The following CPLANE1 variants were observed in gnomAD, a reference collection of about 807,000 sequenced individuals.
CPLANE1 encodes ciliogenesis and planar polarity effector complex subunit 1.
CPLANE1 carries 263 observed loss-of-function variants against 362.5 expected under a neutral mutation model. The observed-to-expected ratio is 0.73, with a 90% confidence interval of 0.66 to 0.80. The LOEUF (loss-of-function observed/expected upper bound fraction) is 0.80. Ranked by LOEUF, CPLANE1 falls within the 30% of genes least tolerant of loss-of-function variation. The pLI is 0.00. For missense variants in CPLANE1, 3,461 were observed against 3,793.4 expected (o/e 0.91, Z 2.30); for synonymous variants, 1,212 against 1,302.6 (o/e 0.93, Z 1.50).
chr5:37,179,331 A>C (rs1266667601), intron 29 of CPLANE1, 30 bp downstream of exon 29: 2 of 1,327,886 alleles, frequency 1.5e-6, no homozygotes, highest in South Asian at 2.5e-5. Flanking sequence ...ATGAAAGAAG[A>C]ATAATTATAT....
intron 15 of CPLANE1, among the ~76,000 whole-genome samples, chr5:37,218,510 C>T (rs886065255): frequency 2.6e-5 from 4 of 152,120 alleles, no homozygotes; most frequent in African/African-American, 9.7e-5. Context: ...TTTTCTTTCA[C>T]TGTAATAAAT....
the CPLANE1 span, among the ~76,000 whole-genome samples, chr5:37,090,132 G>A: frequency 5.1e-4 from 78 of 152,178 alleles, no homozygotes; most frequent in Admixed American, 9.8e-4. Flanking sequence ...ACTAGCAACC[G>A]GTATTCTCCC....
intron 28 of CPLANE1, 80 bp from the exon 29 acceptor site, chr5:37,179,523 T>C (rs1782105656): frequency 4.7e-6 from 4 of 852,874 alleles, no homozygotes; most frequent in Non-Finnish European, 5.8e-6. Context: ...CAGGGAATAT[T>C]ACCAGAAACA....
the CPLANE1 span, among the ~76,000 whole-genome samples, chr5:37,093,251 G>A: frequency 6.6e-6 from 1 of 152,164 alleles, no homozygotes; most frequent in Admixed American, 6.5e-5. Flanking sequence ...TCTTATAGCA[G>A]GGTATAGATC....
chr5:37,144,397 TAAA>T (rs1176016655), intron 43 of CPLANE1, among the ~76,000 whole-genome samples: 3 of 67,540 alleles, frequency 4.4e-5, no homozygotes, highest in Admixed American at 1.8e-4. Flanking sequence ...AGACTTTGTC[TAAA>T]AAAAAAAAAA....
the CPLANE1 span, among the ~76,000 whole-genome samples, chr5:37,082,566 C>T: frequency 1.8e-4 from 27 of 152,142 alleles, no homozygotes; most frequent in African/African-American, 6.3e-4. Context: ...ACCAAGAAGA[C>T]ATCACTAGGA....
intron 19 of CPLANE1, among the ~76,000 whole-genome samples, chr5:37,200,785 A>G (rs925670758): frequency 1.2e-4 from 17 of 144,728 alleles, no homozygotes; most frequent in Non-Finnish European, 2.1e-4. Context: ...ATAGTGTAGG[A>G]AAAAAAAAAC....
At chr5:37,103,655 G>C (rs980983319), downstream of CPLANE1, among the ~76,000 whole-genome samples, 2 of 152,060 alleles carry the variant, frequency 1.3e-5, no homozygotes, top group Admixed American at 6.6e-5. Context: ...TGAAATTCTG[G>C]GTTGTTAATT....
intron 32 of CPLANE1, among the ~76,000 whole-genome samples, chr5:37,172,274 G>C (rs1780013708): frequency 1.3e-5 from 2 of 152,030 alleles, no homozygotes; most frequent in Admixed American, 1.3e-4. Flanking sequence ...GAAGACAATG[G>C]AAGAACAAAA....
chr5:37,198,713 C>T lies in CPLANE1; in HGVS notation c.3661G>A (p.Val1221Ile). 1 of 1,613,396 alleles carries T rather than the reference C, an allele frequency of 6.2e-7. No individual in the cohort carries two copies. The highest frequency in any genetic ancestry group is 8.5e-7 in the Non-Finnish European group (1 of 1,179,624). ...YILQLRWARK[V>I]MQKIRMKGSL... is the part of the protein sequence containing the mutation. ...AGATATTTCCATACCTTCTGCATGA[C>T]TTTTCTTGCCCACCTCAACTGCAAT... The change falls in exon 20 of 53, where the codon GTC becomes ATC. Residue 1221 changes from valine to isoleucine, a missense_variant. Physicochemically the swap from Val to Ile is conservative, Grantham distance 29. Transcript: ENST00000651892.
intron 19 of CPLANE1, among the ~76,000 whole-genome samples, chr5:37,200,512 T>C (rs986894412): frequency 7.2e-5 from 11 of 152,264 alleles, no homozygotes; most frequent in African/African-American, 2.6e-4. Context: ...TTTTAGACTA[T>C]TGAAATATAA....
At chr5:37,186,830 C>T (rs1208708096) in intron 23 of CPLANE1, among the ~76,000 whole-genome samples, 1 of 151,930 alleles carries the variant, frequency 6.6e-6, no homozygotes. Context: ...GAGGCCGAGG[C>T]GGGCAGATCA....
At chr5:37,126,214 G>C (rs546590108) in intron 46 of CPLANE1, among the ~76,000 whole-genome samples, 94 of 152,268 alleles carry the variant, frequency 6.2e-4, no homozygotes, top group Middle Eastern at 3.4e-3. Flanking sequence ...ATTCCAGCCT[G>C]GGTGACAGAG....
At chr5:37,175,848 T>C in intron 31 of CPLANE1, 61 bp downstream of exon 31, 1 of 1,167,748 alleles carries the variant, frequency 8.6e-7, no homozygotes, top group Admixed American at 1.9e-5. Flanking sequence ...CGGCATACTT[T>C]CACTCTGTGA....
intron 44 of CPLANE1, 141 bp from the exon 45 acceptor site, chr5:37,139,511 G>T: frequency 8.9e-7 from 1 of 1,121,284 alleles, no homozygotes. Context: ...TATATTTACA[G>T]CATATTTATC....
chr5:37,098,909 G>A, the CPLANE1 span, among the ~76,000 whole-genome samples: 2 of 105,462 alleles, frequency 1.9e-5, no homozygotes, highest in African/African-American at 8.1e-5. Flanking sequence ...ATATATAGCA[G>A]TAAATGCCTA....
intron 50 of CPLANE1, among the ~76,000 whole-genome samples, chr5:37,119,382 G>C: frequency 6.6e-6 from 1 of 152,106 alleles, no homozygotes; most frequent in East Asian, 1.9e-4. Flanking sequence ...TTAAAAAAAA[G>C]CCATTCGGCT....
chr5:37,182,809 A>G lies in CPLANE1; in HGVS notation c.5372T>C (p.Leu1791Ser). The stretch of plus-strand genomic sequence containing the variant: ...ATATGTAGCAAAATAGGGTTGTTCC[A>G]AAAGCCATAATGATGTAAGAATGGC... ...TAAILTSLWL[L>S]EQPYFATYKA... Residue 1791 changes from leucine (L) to serine (S), a missense_variant, in exon 26 of 53, where the codon TTG becomes TCG. This residue lies in a region of CPLANE1 where 3,380 missense variants were observed against 3,666.1 expected (regional missense o/e 0.92). Coordinates refer to ENST00000651892, the MANE Select transcript of CPLANE1 (RefSeq NM_001384732.1). 1 of 1,613,646 alleles carries G rather than the reference A, an allele frequency of 6.2e-7. No homozygotes were observed. The highest frequency in any genetic ancestry group is 1.3e-5 in the African/African-American group (1 of 75,038).
In CPLANE1 at chr5:37,169,356, T is replaced by A. The variant is rs538086941; in HGVS notation, c.6668A>T (p.Asp2223Val). The A allele has an allele frequency of 4.1e-5, 66 of 1,614,200 alleles. No homozygotes were observed. The highest frequency in any genetic ancestry group is 6.7e-5 in the Admixed American group (4 of 60,028). The change falls in exon 34 of 53, where the codon GAT becomes GTT. Residue 2223 changes from aspartate (D) to valine (V), a missense_variant. Coordinates refer to ENST00000651892, the MANE Select transcript of CPLANE1 (RefSeq NM_001384732.1). Reference protein sequence around the residue: ...IPHAKTFSPGDGFPLLQFKSK... With the variant: ...IPHAKTFSPGVGFPLLQFKSK... Reference sequence around the variant, plus strand: ...CTTAAATTGAAGCAAAGGAAAGCCATCACCAGGACTAAATGTTTTTGCATG... The same window carrying A: ...CTTAAATTGAAGCAAAGGAAAGCCAACACCAGGACTAAATGTTTTTGCATG...
Sources: gnomAD v4.1 joint callset for allele counts (sites outside exome capture counted in the v4.1 genomes callset) on GRCh38, gnomAD v4.1.1 for gene constraint, gnomAD v4.1.1 regional missense constraint, MANE v1.5 for transcripts, NCBI Gene and HGNC (gene_info 2026-07-23, HGNC 2026-07-21) for gene names.